Variants in THSD7A observed in about 807,000 individuals in gnomAD.
THSD7A encodes thrombospondin type-1 domain-containing protein 7A.
In THSD7A, 96 loss-of-function variants were observed where a neutral mutation model predicts 231.3. That is an observed-to-expected ratio of 0.41 (90% CI 0.35 to 0.49). The LOEUF (loss-of-function observed/expected upper bound fraction) is 0.49. THSD7A is among the 20% of genes least tolerant of loss of function. The probability of loss-of-function intolerance (pLI) is 0.05; values close to 1 mark genes in which losing one functional copy is unlikely to be tolerated. For missense variants in THSD7A, 2,290 were observed against 2,070.2 expected, an observed-to-expected ratio of 1.11 and a Z score of -2.06; for synonymous variants, 940 against 743.3, an observed-to-expected ratio of 1.26 and a Z score of -4.30.
In THSD7A at chr7:11,424,783, C is replaced by T. The variant is rs1365039661; in HGVS notation, c.3296G>A (p.Trp1099Ter). ...PCHSDCNQYL[W>*]VTEPWSICKV... ...GCAGATGCTCCAGGGCTCTGTGACC[C>T]ATAGGTACTGGTTGCAGTCACTGTG... is the stretch of plus-strand genomic sequence containing the variant. The change falls in exon 16 of 28, where the codon TGG becomes TAG. Residue 1099 changes from tryptophan to a stop codon, truncating the protein, a stop_gained. Transcript: ENST00000423059. LOFTEE classifies it high-confidence loss of function. 1 of 1,613,872 alleles carries T rather than the reference C, an allele frequency of 6.2e-7. No homozygotes were observed. The highest frequency in any genetic ancestry group is 1.7e-5 in the Admixed American group (1 of 60,000).
At chr7:11,623,252 T>G (rs1781375718) in intron 2 of THSD7A, among the ~76,000 whole-genome samples, 1 of 152,118 alleles carries the variant, frequency 6.6e-6, no homozygotes, top group South Asian at 2.1e-4. Flanking sequence ...GATTCCTCAG[T>G]CCATGAGTCA....
intron 4 of THSD7A, among the ~76,000 whole-genome samples, chr7:11,578,517 T>C (rs1791016919): frequency 1.3e-5 from 2 of 152,224 alleles, no homozygotes; most frequent in Admixed American, 6.5e-5. Context: ...TGATAGGTTG[T>C]ACTAAAGAAG....
chr7:11,645,780 A>G (rs1463272320), intron 1 of THSD7A, among the ~76,000 whole-genome samples: 1 of 151,868 alleles, frequency 6.6e-6, no homozygotes, highest in Non-Finnish European at 1.5e-5. Flanking sequence ...CTTTACATCA[A>G]GCAGTAGATA....
Position 11,411,064 on chromosome 7 carries a change from C to T in THSD7A, c.3798+143G>A. The T allele has an allele frequency of 1.7e-6, 1 of 593,912 alleles. No individual in the cohort carries two copies. The highest frequency in any genetic ancestry group is 2.3e-5 in the South Asian group (1 of 42,788). The allele number at this position is 593,912 out of a possible 1,614,324, so 36.8% of individuals were successfully genotyped here. A position where few individuals can be genotyped will look rare whatever the true frequency, so the allele number is the denominator to read the frequency against. On this transcript the variant is annotated intron_variant, in intron 19 of 27. Transcript: ENST00000423059. The surrounding 1 kb of genome is among the most constrained non-coding windows in gnomAD (Gnocchi z 4.1). ...AGTAGTGTTGGACATTGTGTCTTTT[C>T]AAGAACATACTTAGCCTGTGAACAG...
intron 1 of THSD7A, among the ~76,000 whole-genome samples, chr7:11,709,102 A>G (rs1234931549): frequency 6.6e-6 from 1 of 150,782 alleles, no homozygotes; most frequent in Non-Finnish European, 1.5e-5. Flanking sequence ...GTAAATCACT[A>G]GTATAATCTG....
At chr7:11,664,857 T>C (rs4721001) in intron 1 of THSD7A, among the ~76,000 whole-genome samples, 94,051 of 151,770 alleles carry the variant, frequency 0.62, 30,129 homozygotes, top group African/African-American at 0.78. Flanking sequence ...GTCACATTTT[T>C]GTTTTTCCTT....
intron 7 of THSD7A, among the ~76,000 whole-genome samples, chr7:11,479,263 A>G (rs564318820): frequency 3.8e-4 from 58 of 152,330 alleles, no homozygotes; most frequent in African/African-American, 1.3e-3. Context: ...AGCCTTCAGT[A>G]TTGTTTAATG....
chr7:11,622,321 A>G (rs1460885172), intron 2 of THSD7A, among the ~76,000 whole-genome samples: 2 of 152,014 alleles, frequency 1.3e-5, no homozygotes, highest in African/African-American at 2.4e-5. Context: ...TTTGTTTTCA[A>G]TTATCTTTAC....
chr7:11,520,503 C>G (rs75239904), intron 6 of THSD7A, among the ~76,000 whole-genome samples: 3,819 of 152,160 alleles, frequency 0.025, 67 homozygotes, highest in Non-Finnish European at 0.039. Context: ...CACATGCCAC[C>G]AGGATATAAA....
intron 26 of THSD7A, 98 bp from the exon 27 acceptor site, chr7:11,376,755 C>T (rs1016138178): frequency 2.8e-6 from 2 of 721,770 alleles, no homozygotes; most frequent in Non-Finnish European, 4.3e-6. Flanking sequence ...TGACCAATTT[C>T]TTTCAAAACC....
chr7:11,486,437 C>A (rs953398755), intron 6 of THSD7A, among the ~76,000 whole-genome samples: 17 of 152,224 alleles, frequency 1.1e-4, no homozygotes, highest in Middle Eastern at 3.4e-3. Context: ...ATCAGCAGCC[C>A]CACAGTTAGG....
At chr7:11,426,244 C>T (rs1784318298) in intron 15 of THSD7A, among the ~76,000 whole-genome samples, 1 of 152,054 alleles carries the variant, frequency 6.6e-6, no homozygotes, top group African/African-American at 2.4e-5. Context: ...CTTCTTAATC[C>T]TTTGATGGCT....
At chr7:11,609,618 C>A (rs899697169) in intron 2 of THSD7A, among the ~76,000 whole-genome samples, 1 of 151,986 alleles carries the variant, frequency 6.6e-6, no homozygotes. Flanking sequence ...AAATGAGATA[C>A]GGAAGAACTG....
At chr7:11,810,372 C>T (rs1214715474) in intron 1 of THSD7A, among the ~76,000 whole-genome samples, 3 of 152,134 alleles carry the variant, frequency 2.0e-5, no homozygotes, top group Non-Finnish European at 1.5e-5. Flanking sequence ...CTTCCTTGCC[C>T]ATCTCCAGCT....
intron 1 of THSD7A, among the ~76,000 whole-genome samples, chr7:11,686,917 T>C (rs1780075319): frequency 6.6e-6 from 1 of 151,808 alleles, no homozygotes; most frequent in Non-Finnish European, 1.5e-5. Flanking sequence ...AACTTCAGCA[T>C]TATACAATAT....
chr7:11,771,129 ATAAT>A (rs1032316377), intron 1 of THSD7A, among the ~76,000 whole-genome samples: 10 of 151,070 alleles, frequency 6.6e-5, no homozygotes, highest in Admixed American at 5.9e-4. Context: ...ATTTTTCATC[ATAAT>A]TAATATAAAA....
At chr7:11,546,197 C>CGT (rs1410217248) in intron 4 of THSD7A, among the ~76,000 whole-genome samples, 12 of 78,468 alleles carry the variant, frequency 1.5e-4, no homozygotes, top group Admixed American at 1.0e-3. Context: ...CTGGTGTGGG[C>CGT]GCGCGCTCAC....
In THSD7A at chr7:11,831,691, G is replaced by A; in HGVS notation, c.190+66C>T. 8.2e-7 allele frequency: 1 copy of A among 1,219,516 alleles called. No homozygotes were observed. Among genetic ancestry groups the A allele is most frequent in the East Asian group, 3.1e-5 (1 of 32,404 alleles). 75.5% of individuals were successfully genotyped at this position (1,219,516 alleles called of 1,614,324 possible). ...CAAAAGCACCGGGGTCCCTACAGAA[G>A]CCCACCAGCTCCTTAATGTGGCCCC... On this transcript the variant is annotated intron_variant, in intron 1 of 27. Coordinates refer to ENST00000423059, the MANE Select transcript of THSD7A (RefSeq NM_015204.3). This position sits in a 1 kb window ranked among gnomAD's most constrained non-coding sequence, Gnocchi z 5.0.
At chr7:11,482,106 G>T in intron 6 of THSD7A, 124 bp from the exon 7 acceptor site, 2 of 1,053,906 alleles carry the variant, frequency 1.9e-6, no homozygotes, top group East Asian at 2.6e-5. Context: ...AAAAAACGTA[G>T]CCAAAAGAGG....
Sources: allele counts gnomAD v4.1 joint callset (sites outside exome capture counted in the v4.1 genomes callset), GRCh38; gene constraint gnomAD v4.1.1; non-coding constraint Gnocchi (gnomAD v3.1); transcripts MANE v1.5; gene names NCBI Gene and HGNC (gene_info 2026-07-23, HGNC 2026-07-21).